Variants in SPAG5 observed in about 807,000 individuals in gnomAD.
SPAG5 encodes sperm associated antigen 5.
SPAG5 carries 99 observed loss-of-function variants against 145.4 expected under a neutral mutation model. That is an observed-to-expected ratio of 0.68 (90% CI 0.58 to 0.80). The LOEUF is 0.80. Ranked by LOEUF, SPAG5 falls within the 30% of genes least tolerant of loss-of-function variation. The probability of loss-of-function intolerance (pLI) is 0.00; values close to 1 mark genes in which losing one functional copy is unlikely to be tolerated. For missense variants in SPAG5, 1,192 were observed against 1,416.0 expected, an observed-to-expected ratio of 0.84 and a Z score of 2.54; for synonymous variants, 477 against 525.4, an observed-to-expected ratio of 0.91 and a Z score of 1.26.
chr17:28,580,610 A>G (rs1311262011), intron 15 of SPAG5: 1 of 152,266 alleles, frequency 6.6e-6, no homozygotes, highest in African/African-American at 2.4e-5. Context: ...ATTGATGACC[A>G]CATTGTTCTT....
At chr17:28,578,325 C>G in intron 21 of SPAG5, 33 bp from the exon 22 acceptor site, 1 of 1,614,082 alleles carries the variant, frequency 6.2e-7, no homozygotes, top group Non-Finnish European at 8.5e-7. Context: ...AGGGGTACAG[C>G]CTGGGGTCCC....
At position 28,584,371 on chromosome 17, in the gene SPAG5, G is replaced by T. The variant is rs567448830; in HGVS notation, c.2271C>A (p.Leu757=). 6.2e-7 allele frequency: 1 copy of T among 1,614,226 alleles called. No individual in the cohort carries two copies. The highest frequency in any genetic ancestry group is 1.7e-5 in the Admixed American group (1 of 60,028). Residue 757 remains leucine, a synonymous_variant, in exon 12 of 24, where the codon CTC becomes CTA. Coordinates refer to ENST00000321765, the MANE Select transcript of SPAG5 (RefSeq NM_006461.4). The stretch of plus-strand genomic sequence containing the variant: ...CCTCATTGCTCTGGGTAAGCTGGCA[G>T]AGTAACTCATCCTTCATAGCCAGGT... The part of the protein sequence containing the change: ...AQDLAMKDEL[L]CQLTQSNEEQ...
chr17:28,596,366 G>A (rs2070665141), intron 2 of SPAG5, among the ~76,000 whole-genome samples: 1 of 152,068 alleles, frequency 6.6e-6, no homozygotes, highest in South Asian at 2.1e-4. Flanking sequence ...AAATAATTAT[G>A]GTTAAATTCT....
chr17:28,591,603 G>A, intron 4 of SPAG5, 95 bp downstream of exon 4: 1 of 1,145,974 alleles, frequency 8.7e-7, no homozygotes, highest in Non-Finnish European at 1.2e-6. Context: ...GTATAAGCCT[G>A]TGATAGGAGT....
chr17:28,593,430 G>T (rs968606221), intron 2 of SPAG5, among the ~76,000 whole-genome samples: 2 of 152,208 alleles, frequency 1.3e-5, no homozygotes, highest in African/African-American at 4.8e-5. Flanking sequence ...CTTAAGCTCT[G>T]TCAGAATCTA....
chr17:28,585,308 C>A lies in SPAG5; in HGVS notation c.1953+11G>T. 6.2e-7 allele frequency: 1 copy of A among 1,613,166 alleles called. No individual in the cohort carries two copies. The highest frequency in any genetic ancestry group is 1.1e-5 in the South Asian group (1 of 91,058). ...AGTAAGGAATTAGTTATGATGGTCC[C>A]AAATACTCACATCCAGTTGCATGGA... On this transcript the variant is annotated intron_variant, in intron 9 of 23. Coordinates refer to ENST00000321765, the MANE Select transcript of SPAG5 (RefSeq NM_006461.4).
intron 20 of SPAG5, 57 bp downstream of exon 20, chr17:28,578,615 G>A: frequency 6.2e-7 from 1 of 1,609,204 alleles, no homozygotes; most frequent in Non-Finnish European, 8.5e-7. Context: ...TCATACTTGG[G>A]ATCCTGGCTG....
At chr17:28,577,952 C>T in intron 23 of SPAG5, 58 bp downstream of exon 23, 5 of 1,465,372 alleles carry the variant, frequency 3.4e-6, no homozygotes, top group East Asian at 2.3e-5. Context: ...ATTAGTACCT[C>T]CTGGGGCCAG....
intron 18 of SPAG5, 33 bp downstream of exon 18, chr17:28,579,332 G>T (rs776091290): frequency 1.2e-6 from 2 of 1,613,878 alleles, no homozygotes; most frequent in South Asian, 2.2e-5. Context: ...ATGTCTCACT[G>T]TCCCTCTGTC....
At chr17:28,587,748 C>G (rs570490900) in intron 4 of SPAG5, among the ~76,000 whole-genome samples, 44 of 145,832 alleles carry the variant, frequency 3.0e-4, no homozygotes, top group African/African-American at 1.1e-3. Context: ...AAAGGATGAA[C>G]CAATTTATAT....
chr17:28,593,141 G>A (rs1389232587), intron 2 of SPAG5, 75 bp from the exon 3 acceptor site: 2 of 1,513,628 alleles, frequency 1.3e-6, no homozygotes, highest in African/African-American at 1.4e-5. Context: ...GTGCAAGATA[G>A]TGCACTCAAA....
Position 28,592,506 on chromosome 17 carries a change from G to C in SPAG5, c.738C>G (p.Leu246=), listed in dbSNP as rs776362308. Residue 246 remains leucine, a synonymous_variant, in exon 3 of 24, where the codon CTC becomes CTG. Coordinates refer to ENST00000321765, the MANE Select transcript of SPAG5 (RefSeq NM_006461.4). ...CCAAGGCAGTTGAAGGGGAAAGCCA[G>C]AGAACAGAGGAAGGCAAGAAGGCGT... ...ESNAFLPSSV[L]WLSPSTALAA... 1.2e-6 allele frequency: 2 copies of C among 1,614,114 alleles called. No individual in the cohort carries two copies. The highest frequency in any genetic ancestry group is 1.7e-6 in the Non-Finnish European group (2 of 1,180,036).
At chr17:28,578,120 A>G (rs2070519139) in intron 22 of SPAG5, 30 bp from the exon 23 acceptor site, 1 of 1,612,194 alleles carries the variant, frequency 6.2e-7, no homozygotes, top group Non-Finnish European at 8.5e-7. Context: ...TATAAGTCCT[A>G]TGCATAAAAG....
At chr17:28,586,301 C>T in intron 5 of SPAG5, 119 bp from the exon 6 acceptor site, 1 of 1,234,464 alleles carries the variant, frequency 8.1e-7, no homozygotes, top group Non-Finnish European at 1.2e-6. Context: ...ATGTACTTTA[C>T]AAATGTTTGG....
At chr17:28,579,863 AG>A in intron 16 of SPAG5, 26 bp from the exon 17 acceptor site, 2 of 1,605,542 alleles carry the variant, frequency 1.2e-6, no homozygotes, top group Non-Finnish European at 1.7e-6. Context: ...ATAATGGGAG[AG>A]GGCCCCTCTG....
Position 28,579,798 on chromosome 17 carries a change from T to C in SPAG5, c.2837A>G (p.Lys946Arg), listed in dbSNP as rs142800568. 8.7e-6 allele frequency: 14 copies of C among 1,614,022 alleles called. No individual in the cohort carries two copies. The African/African-American group carries it at 1.7e-4, about 20-fold the overall frequency. ...TGATGCTACTCGGGTGAAAGCACTC[T>C]TGTCACTTCCAAGCAAGGGCACAGG... Reference protein sequence around the residue: ...STPVPLLGSDKSAFTRVASMV... With the variant: ...STPVPLLGSDRSAFTRVASMV... Residue 946 changes from lysine (K) to arginine (R), a missense_variant, in exon 17 of 24, where the codon AAG becomes AGG. Physicochemically the swap from Lys to Arg is conservative, Grantham distance 26. This residue lies in a region of SPAG5 where 709 missense variants were observed against 840.7 expected (regional missense o/e 0.84). Coordinates refer to ENST00000321765, the MANE Select transcript of SPAG5 (RefSeq NM_006461.4).
At position 28,585,172 on chromosome 17, in the gene SPAG5, G is replaced by A. The variant is rs1332845565; in HGVS notation, c.1997C>T (p.Thr666Ile). Residue 666 changes from threonine (T) to isoleucine (I), a missense_variant, in exon 10 of 24, where the codon ACA (threonine) becomes ATA (isoleucine). By Grantham distance (89) the Thr-to-Ile change is moderately conservative (BLOSUM62 -1). Around this residue, in one of 5 missense-constraint regions of SPAG5, gnomAD observed 709 missense variants for 840.7 expected, o/e 0.84. Transcript: ENST00000321765. ...CTGGCTCTTGACTGTGAGTTTCTCT[G>A]TGAGTTGTCGGGACCGACTCAGCAA... ...TALLSRSRQL[T>I]EKLTVKSQQA... The A allele has an allele frequency of 1.9e-6, 3 of 1,614,210 alleles. No individual in the cohort carries two copies. The highest frequency in any genetic ancestry group is 2.5e-6 in the Non-Finnish European group (3 of 1,180,036).
intron 4 of SPAG5, among the ~76,000 whole-genome samples, chr17:28,587,988 C>CAGTAGA (rs1158765683): frequency 6.6e-6 from 1 of 152,152 alleles, no homozygotes; most frequent in African/African-American, 2.4e-5. Context: ...ATCTCAAAGG[C>CAGTAGA]AGTAGAACCC....
At chr17:28,597,421 A>C (rs2070673627) in intron 2 of SPAG5, among the ~76,000 whole-genome samples, 1 of 152,206 alleles carries the variant, frequency 6.6e-6, no homozygotes, top group Admixed American at 6.5e-5. Context: ...CCGTCTCAAA[A>C]ACAAAAAAAT....
Sources: gnomAD v4.1 joint callset for allele counts (sites outside exome capture counted in the v4.1 genomes callset) on GRCh38, gnomAD v4.1.1 for gene constraint, gnomAD v4.1.1 regional missense constraint, MANE v1.5 for transcripts, NCBI Gene and HGNC (gene_info 2026-07-23, HGNC 2026-07-21) for gene names.